Variants in SLC25A24 observed in about 807,000 individuals in gnomAD.
SLC25A24 encodes solute carrier family 25 member 24.
Under a neutral mutation model 60.7 loss-of-function variants are expected in SLC25A24, and 49 were observed. The ratio of observed to expected loss-of-function variants is 0.81; its 90% CI spans 0.64 to 1.02. The LOEUF (loss-of-function observed/expected upper bound fraction) is 1.02, where lower values mean the gene tolerates loss of function less well. Ranked by LOEUF, SLC25A24 falls within the 50% of genes least tolerant of loss-of-function variation. The pLI, the probability that SLC25A24 is intolerant of heterozygous loss-of-function variation, is 0.00. For missense variants in SLC25A24, 564 were observed against 586.3 expected, an observed-to-expected ratio of 0.96 and a Z score of 0.39; for synonymous variants, 202 against 200.6, an observed-to-expected ratio of 1.01 and a Z score of -0.06.
At chr1:108,199,402 C>T (rs2101651923) in intron 1 of SLC25A24, 1 of 154,404 alleles carries the variant, frequency 6.5e-6, no homozygotes, top group Middle Eastern at 3.4e-3. Flanking sequence ...AATTTATGTA[C>T]CTAGGGCATT....
intron 2 of SLC25A24, among the ~76,000 whole-genome samples, chr1:108,184,334 G>A (rs1648044259): frequency 6.6e-6 from 1 of 152,222 alleles, no homozygotes. Context: ...CTGAACTGCA[G>A]AGGGTCGATG....
intron 3 of SLC25A24, among the ~76,000 whole-genome samples, chr1:108,163,432 G>A (rs1680147580): frequency 6.7e-6 from 1 of 150,296 alleles, no homozygotes; most frequent in South Asian, 2.1e-4. Context: ...CATGAGCATG[G>A]AATGTTCTTC....
intron 1 of SLC25A24, among the ~76,000 whole-genome samples, chr1:108,188,175 T>G (rs187958895): frequency 1.3e-4 from 20 of 151,378 alleles, no homozygotes; most frequent in Non-Finnish European, 2.7e-4. Flanking sequence ...GAGCAAAACA[T>G]GGGGTGCACA....
intron 3 of SLC25A24, among the ~76,000 whole-genome samples, chr1:108,168,158 T>G (rs1206276182): frequency 6.6e-6 from 1 of 152,210 alleles, no homozygotes; most frequent in African/African-American, 2.4e-5. Context: ...AATTTTCAGG[T>G]ATTCATTATT....
chr1:108,143,147 G>T (rs1224193227), intron 8 of SLC25A24, among the ~76,000 whole-genome samples: 1 of 152,154 alleles, frequency 6.6e-6, no homozygotes, highest in Non-Finnish European at 1.5e-5. Flanking sequence ...ATTATTAAAT[G>T]ATTTAGATTG....
At chr1:108,143,754 TATC>T in intron 7 of SLC25A24, 44 bp from the exon 8 acceptor site, 2 of 1,451,600 alleles carry the variant, frequency 1.4e-6, no homozygotes, top group Non-Finnish European at 1.9e-6. Flanking sequence ...ATATTAACTC[TATC>T]ATCATGGGAT....
intron 7 of SLC25A24, among the ~76,000 whole-genome samples, chr1:108,147,820 C>T (rs994740867): frequency 6.6e-6 from 1 of 152,154 alleles, no homozygotes; most frequent in South Asian, 2.1e-4. Context: ...CCCTCCTACA[C>T]TCTACCAGGG....
intron 2 of SLC25A24, among the ~76,000 whole-genome samples, chr1:108,185,316 C>T (rs1648081675): frequency 6.6e-6 from 1 of 152,162 alleles, no homozygotes; most frequent in African/African-American, 2.4e-5. Context: ...AGAAGGTACA[C>T]ACTTAAACGT....
At chr1:108,164,607 T>C (rs1680190115) in intron 3 of SLC25A24, among the ~76,000 whole-genome samples, 1 of 149,932 alleles carries the variant, frequency 6.7e-6, no homozygotes, top group Non-Finnish European at 1.5e-5. Flanking sequence ...TCTCTGATGG[T>C]AGTTTGTATT....
intron 8 of SLC25A24, 144 bp from the exon 9 acceptor site, chr1:108,139,352 G>A (rs996899278): frequency 1.2e-6 from 1 of 828,138 alleles, no homozygotes; most frequent in Non-Finnish European, 1.8e-6. Context: ...CACTGCAGGA[G>A]GCGGTGACTC....
intron 7 of SLC25A24, among the ~76,000 whole-genome samples, chr1:108,145,400 G>A (rs977114378): frequency 1.3e-5 from 2 of 152,162 alleles, no homozygotes; most frequent in African/African-American, 2.4e-5. Flanking sequence ...TTGCTGTGCA[G>A]AAGATCTTTA....
chr1:108,196,480 G>A (rs533703646), intron 1 of SLC25A24, among the ~76,000 whole-genome samples: 18 of 152,302 alleles, frequency 1.2e-4, no homozygotes, highest in African/African-American at 4.3e-4. Context: ...AACTTGACAA[G>A]GATTACACGG....
intron 1 of SLC25A24, chr1:108,192,942 G>C (rs1370166058): frequency 1.4e-5 from 4 of 278,190 alleles, no homozygotes; most frequent in African/African-American, 2.2e-5. Context: ...CCCACTCCAG[G>C]AAGAGTCCAG....
chr1:108,136,834 ATGGC>A lies in SLC25A24; in HGVS notation c.1250-1_1252del. 1 of 1,611,992 alleles carries A rather than the reference ATGGC, an allele frequency of 6.2e-7. No individual in the cohort carries two copies. Among genetic ancestry groups the A allele is most frequent in the Admixed American group, 1.7e-5 (1 of 59,492 alleles). On this transcript the variant is annotated splice_acceptor_variant and coding_sequence_variant, in exon 10 of 10. Coordinates refer to ENST00000565488, the MANE Select transcript of SLC25A24 (RefSeq NM_013386.5). LOFTEE classifies it high-confidence loss of function. ...ATTCAGCTGTGGGGAACCTTCTAAC[ATGGC>A]TAAAAAATAAAAAAAGAGGGTAATT...
rs374743685 is a variant in SLC25A24 at position 108,167,533 on chromosome 1, A to C, written c.399-6240T>G. Among the ~76,000 whole-genome samples, 28 of 151,280 alleles carry C rather than the reference A, an allele frequency of 1.9e-4. 1 individual carries two copies. Among genetic ancestry groups the C allele is most frequent in the Admixed American group, 5.3e-4 (8 of 15,220 alleles). On this transcript the variant is annotated intron_variant, in intron 3 of 9. Transcript: ENST00000565488. ...AGCCCGTCAGAAAAGCGCAGTATTC[A>C]GGTGGGAGTGACCCGATTTTCCAGG...
chr1:108,200,224 GC>G lies in SLC25A24; in HGVS notation c.-87del. The G allele has an allele frequency of 7.7e-7, 1 of 1,300,716 alleles. No homozygotes were observed. The highest frequency in any genetic ancestry group is 1.0e-6 in the Non-Finnish European group (1 of 1,001,610). 80.6% of individuals were successfully genotyped at this position (1,300,716 alleles called of 1,614,324 possible). On this transcript the variant is annotated 5_prime_UTR_variant, in exon 1 of 10. Coordinates refer to ENST00000565488, the MANE Select transcript of SLC25A24 (RefSeq NM_013386.5). Reference sequence around the variant, plus strand: ...GAGACCGGGACCAGCGCGAGGCCGGGCTGGGCGGGGCGCGCGGCGCAACAGC... The same window carrying G: ...GAGACCGGGACCAGCGCGAGGCCGGGTGGGCGGGGCGCGCGGCGCAACAGC...
At chr1:108,166,333 G>A (rs1019635717) in intron 3 of SLC25A24, among the ~76,000 whole-genome samples, 2 of 151,484 alleles carry the variant, frequency 1.3e-5, no homozygotes, top group African/African-American at 4.8e-5. Flanking sequence ...GAATCTGAAT[G>A]TTGGCCTGCC....
chr1:108,146,939 T>C (rs1197069960), intron 7 of SLC25A24, among the ~76,000 whole-genome samples: 1 of 152,226 alleles, frequency 6.6e-6, no homozygotes, highest in African/African-American at 2.4e-5. Context: ...TAAAATGAGT[T>C]AGGGAGGAAT....
chr1:108,174,195 G>A (rs1647584472), intron 3 of SLC25A24, among the ~76,000 whole-genome samples: 1 of 152,200 alleles, frequency 6.6e-6, no homozygotes, highest in Non-Finnish European at 1.5e-5. Flanking sequence ...CATAGGCCCA[G>A]AGGCCCAGGA....
Sources: allele counts gnomAD v4.1 joint callset (sites outside exome capture counted in the v4.1 genomes callset), GRCh38; gene constraint gnomAD v4.1.1; transcripts MANE v1.5; gene names NCBI Gene and HGNC (gene_info 2026-07-23, HGNC 2026-07-21).